Variants in UBE3D observed in about 807,000 individuals in gnomAD.
UBE3D encodes ubiquitin protein ligase E3D.
A neutral mutation model predicts 49.6 loss-of-function variants in UBE3D; 48 were observed. The ratio of observed to expected loss-of-function variants is 0.97; its 90% CI spans 0.77 to 1.23. The LOEUF is 1.23. Among genes scored for constraint, UBE3D ranks in the 50% most tolerant of loss-of-function variants. UBE3D has a pLI of 0.00. For missense variants in UBE3D, 452 were observed against 468.4 expected (o/e 0.96, Z 0.32); for synonymous variants, 189 against 174.2 (o/e 1.08, Z -0.67).
chr6:83,018,814 T>A, intron 8 of UBE3D, 159 bp downstream of exon 8: 1 of 764,874 alleles, frequency 1.3e-6, no homozygotes, highest in South Asian at 2.0e-5. Context: ...CTGTAATAAT[T>A]CAACCTATTT....
intron 3 of UBE3D, among the ~76,000 whole-genome samples, chr6:83,050,196 G>A (rs1332090173): frequency 6.6e-6 from 1 of 150,432 alleles, no homozygotes; most frequent in Admixed American, 6.6e-5. Context: ...TGTTTAAACT[G>A]TCCTCTATAT....
Position 83,044,427 on chromosome 6 carries a change from C to T in UBE3D, c.597+1G>A, listed in dbSNP as rs1782882332. On this transcript the variant is annotated splice_donor_variant, in intron 4 of 9. Coordinates refer to ENST00000369747, the MANE Select transcript of UBE3D (RefSeq NM_198920.3). LOFTEE classifies it high-confidence loss of function. ...CCATTTATTTTGAAATGATATTTTA[C>T]CAATTTACAATGGTTGTCAGAAGAA... 4.3e-6 allele frequency: 7 copies of T among 1,613,164 alleles called. No homozygotes were observed. The South Asian group carries it at 7.7e-5, about 18-fold the overall frequency.
chr6:82,999,356 A>G (rs1422896540), intron 8 of UBE3D, among the ~76,000 whole-genome samples: 7 of 152,008 alleles, frequency 4.6e-5, no homozygotes, highest in Non-Finnish European at 1.0e-4. Context: ...TCTCATGTGT[A>G]ATCAACCTCT....
intron 9 of UBE3D, among the ~76,000 whole-genome samples, chr6:82,911,319 C>A (rs1020987478): frequency 6.6e-6 from 1 of 150,512 alleles, no homozygotes; most frequent in Non-Finnish European, 1.5e-5. Context: ...CTCCAATCAT[C>A]TTCCTACATG....
intron 3 of UBE3D, chr6:83,049,743 C>A (rs1422515782): frequency 2.1e-6 from 1 of 471,054 alleles, no homozygotes; most frequent in Non-Finnish European, 4.4e-6. Context: ...CATCCAGAGA[C>A]CTCCGGAGAG....
chr6:82,882,673 G>A, the UBE3D span, among the ~76,000 whole-genome samples: 1 of 152,136 alleles, frequency 6.6e-6, no homozygotes, highest in Admixed American at 6.6e-5. Flanking sequence ...CTTTAACAAT[G>A]TTTTTAAGTT....
intron 8 of UBE3D, among the ~76,000 whole-genome samples, chr6:82,984,861 G>A (rs1778351873): frequency 6.6e-6 from 1 of 152,012 alleles, no homozygotes; most frequent in African/African-American, 2.4e-5. Flanking sequence ...TGCCCTGGCT[G>A]GAGTTCAGTG....
chr6:82,952,730 T>C (rs1029372307), intron 9 of UBE3D, among the ~76,000 whole-genome samples: 3 of 152,134 alleles, frequency 2.0e-5, no homozygotes, highest in African/African-American at 7.2e-5. Context: ...AGAGAAATGC[T>C]AAGTATAGAA....
chr6:82,974,704 T>A (rs1382653216), intron 8 of UBE3D, among the ~76,000 whole-genome samples: 2 of 151,934 alleles, frequency 1.3e-5, no homozygotes, highest in African/African-American at 2.4e-5. Context: ...AAATCAGTAT[T>A]CTAGAAACGT....
chr6:82,909,815 C>T (rs942252742), intron 9 of UBE3D, among the ~76,000 whole-genome samples: 5 of 152,164 alleles, frequency 3.3e-5, no homozygotes, highest in Non-Finnish European at 4.4e-5. Flanking sequence ...CTGACAACAT[C>T]GCACTGTGCA....
At chr6:82,951,923 A>C (rs1164526817) in intron 9 of UBE3D, among the ~76,000 whole-genome samples, 2 of 152,212 alleles carry the variant, frequency 1.3e-5, no homozygotes, top group Non-Finnish European at 2.9e-5. Context: ...AAGAATGTAC[A>C]TAAGGGTCTT....
intron 8 of UBE3D, among the ~76,000 whole-genome samples, chr6:82,994,245 A>G (rs1226706428): frequency 1.3e-5 from 2 of 152,216 alleles, no homozygotes; most frequent in African/African-American, 2.4e-5. Flanking sequence ...ACCAATTTAT[A>G]TATCAATCCC....
At chr6:82,947,835 A>G (rs1775517215) in intron 9 of UBE3D, among the ~76,000 whole-genome samples, 1 of 152,074 alleles carries the variant, frequency 6.6e-6, no homozygotes, top group Non-Finnish European at 1.5e-5. Context: ...ATGGAAACAC[A>G]TATACCAAAA....
intron 5 of UBE3D, among the ~76,000 whole-genome samples, chr6:83,029,949 T>C (rs895192602): frequency 4.6e-5 from 7 of 152,144 alleles, no homozygotes; most frequent in Non-Finnish European, 8.8e-5. Flanking sequence ...CTTACGAAAA[T>C]TACCTTCTGC....
intron 5 of UBE3D, among the ~76,000 whole-genome samples, chr6:83,028,205 C>G (rs1276185261): frequency 1.3e-5 from 2 of 152,148 alleles, no homozygotes; most frequent in Non-Finnish European, 2.9e-5. Flanking sequence ...GGTTGTTTTA[C>G]AGTTTACACA....
At position 83,038,479 on chromosome 6, in the gene UBE3D, T is replaced by A; in HGVS notation, c.604A>T (p.Lys202Ter). ...SSDNHCKLEP[K>*]ANTKVICKRC... ...TTACAAATTACTTTGGTATTTGCCT[T>A]TGGTTCCTGTAGAACAGAAAAATGT... Residue 202 changes from lysine (K) to a stop codon, truncating the protein, a stop_gained, in exon 5 of 10, where the codon AAG (lysine) becomes TAG (stop). Transcript: ENST00000369747. LOFTEE classifies it high-confidence loss of function. 1 of 1,609,392 alleles carries A rather than the reference T, an allele frequency of 6.2e-7. No homozygotes were observed. Among genetic ancestry groups the A allele is most frequent in the Non-Finnish European group, 8.5e-7 (1 of 1,178,810 alleles).
At chr6:83,044,709 A>C in intron 3 of UBE3D, 50 bp from the exon 4 acceptor site, 1 of 1,386,476 alleles carries the variant, frequency 7.2e-7, no homozygotes, top group Non-Finnish European at 1.0e-6. Flanking sequence ...TGATACTAAC[A>C]TTTTCTTAAT....
At chr6:83,054,024 A>G (rs924859952) in intron 3 of UBE3D, 124 bp downstream of exon 3, 2 of 761,674 alleles carry the variant, frequency 2.6e-6, no homozygotes, top group Non-Finnish European at 4.3e-6. Context: ...TCAAAGTGAC[A>G]TTAAGCTGGC....
At chr6:83,064,251 G>C (rs994743679) in intron 1 of UBE3D, among the ~76,000 whole-genome samples, 17 of 151,992 alleles carry the variant, frequency 1.1e-4, no homozygotes, top group Non-Finnish European at 4.4e-5. Flanking sequence ...TTGAGACGGA[G>C]TCTCTTTCTG....
Sources: gnomAD v4.1 joint callset for allele counts (sites outside exome capture counted in the v4.1 genomes callset) on GRCh38, gnomAD v4.1.1 for gene constraint, MANE v1.5 for transcripts, NCBI Gene and HGNC (gene_info 2026-07-23, HGNC 2026-07-21) for gene names.